The following MAP1B variants were observed in gnomAD, a reference collection of about 807,000 sequenced individuals.
MAP1B encodes microtubule associated protein 1B.
A neutral mutation model predicts 176.1 loss-of-function variants in MAP1B; 12 were observed. The ratio of observed to expected loss-of-function variants is 0.07; its 90% CI spans 0.04 to 0.11. The LOEUF (loss-of-function observed/expected upper bound fraction) is 0.11. Among genes scored for constraint, MAP1B ranks in the 10% least tolerant of loss-of-function variants. The pLI, the probability that MAP1B is intolerant of heterozygous loss-of-function variation, is 1.00. For synonymous variants in MAP1B, 1,044 were observed against 1,135.0 expected, an observed-to-expected ratio of 0.92 and a Z score of 1.61; for missense variants, 2,523 against 2,990.5, an observed-to-expected ratio of 0.84 and a Z score of 3.65.
At position 72,107,623 on chromosome 5, in the gene MAP1B, GCTTC is replaced by G; in HGVS notation, c.96_99del (p.Phe32LeufsTer15). On this transcript the variant is annotated frameshift_variant, in exon 1 of 7. Coordinates refer to ENST00000296755, the MANE Select transcript of MAP1B (RefSeq NM_005909.5). LOFTEE classifies it high-confidence loss of function. ...TCCACCTCGCCTAGCCTGTCGCACC[GCTTC>G]CTTGACAGCAAGTTCTACTTGCTGG... is the stretch of plus-strand genomic sequence containing the variant. The G allele has an allele frequency of 6.3e-7, 1 of 1,599,912 alleles. No individual in the cohort carries two copies. Among genetic ancestry groups the G allele is most frequent in the Non-Finnish European group, 8.5e-7 (1 of 1,179,376 alleles).
intron 2 of MAP1B, among the ~76,000 whole-genome samples, chr5:72,161,883 G>C (rs1273197912): frequency 6.6e-6 from 1 of 150,928 alleles, no homozygotes; most frequent in Non-Finnish European, 1.5e-5. Context: ...CTTGAACCCG[G>C]GAGGCGGAGG....
In MAP1B at chr5:72,186,690, A is replaced by G; in HGVS notation, c.446A>G (p.Glu149Gly). ...LTGQCFENTG[E>G]LILQSGSFSF... ...GGGCAGTGCTTTGAAAATACCGGAG[A>G]GCTCATTCTCCAGTCCGGCTCTTTC... Residue 149 changes from glutamate (E) to glycine (G), a missense_variant, in exon 4 of 7, where the codon GAG (glutamate) becomes GGG (glycine). Physicochemically the swap from Glu to Gly is moderately conservative, Grantham distance 98 (BLOSUM62 -2). Coordinates refer to ENST00000296755, the MANE Select transcript of MAP1B (RefSeq NM_005909.5). This position sits in a 1 kb window ranked among gnomAD's most constrained non-coding sequence, Gnocchi z 4.3. 1 of 1,614,112 alleles carries G rather than the reference A, an allele frequency of 6.2e-7. No homozygotes were observed. Among genetic ancestry groups the G allele is most frequent in the Non-Finnish European group, 8.5e-7 (1 of 1,180,034 alleles).
intron 4 of MAP1B, among the ~76,000 whole-genome samples, chr5:72,188,445 G>A (rs950845044): frequency 3.3e-5 from 5 of 152,154 alleles, no homozygotes; most frequent in African/African-American, 1.2e-4. Flanking sequence ...GTGCAGTTCT[G>A]TAGTTATTTT....
chr5:72,129,071 T>A (rs1189188217), intron 2 of MAP1B, among the ~76,000 whole-genome samples: 2 of 152,232 alleles, frequency 1.3e-5, no homozygotes, highest in East Asian at 3.8e-4. Context: ...AGATTTTTTT[T>A]AAAGGCTTAA....
chr5:72,201,183 C>T (rs1040105068), intron 5 of MAP1B, among the ~76,000 whole-genome samples: 2 of 150,534 alleles, frequency 1.3e-5, no homozygotes, highest in African/African-American at 4.9e-5. Context: ...TGCAACATAG[C>T]AAGACCCTGT....
rs767707942 is a variant in MAP1B at position 72,194,760 on chromosome 5, G to A, written c.1405G>A (p.Val469Ile). 2 of 1,614,048 alleles carry A rather than the reference G, an allele frequency of 1.2e-6. No individual in the cohort carries two copies. Among genetic ancestry groups the A allele is most frequent in the African/African-American group, 2.7e-5 (2 of 74,914 alleles). Reference protein sequence around the residue: ...VDLPISYLTSVSSLIVWHPAN... With the variant: ...VDLPISYLTSISSLIVWHPAN... ...TCTCCCGATTTCCTACTTAACTTCA[G>A]TCTCATCTTTGATTGTGTGGCATCC... The change falls in exon 5 of 7, where the codon GTC becomes ATC. Residue 469 changes from valine (V) to isoleucine (I), a missense_variant. Physicochemically the swap from Val to Ile is conservative, Grantham distance 29. Transcript: ENST00000296755. This position sits in a 1 kb window ranked among gnomAD's most constrained non-coding sequence, Gnocchi z 7.2.
At chr5:72,124,451 A>G (rs920132860) in intron 2 of MAP1B, among the ~76,000 whole-genome samples, 4 of 152,234 alleles carry the variant, frequency 2.6e-5, no homozygotes, top group African/African-American at 9.6e-5. Flanking sequence ...GAGCGTCTAC[A>G]TGTGATTTAA....
chr5:72,134,149 C>T (rs1745788524), intron 2 of MAP1B, among the ~76,000 whole-genome samples: 1 of 152,182 alleles, frequency 6.6e-6, no homozygotes, highest in South Asian at 2.1e-4. Flanking sequence ...TTTTGTGACA[C>T]CACAGTTTGA....
chr5:72,122,283 C>G (rs74830204), intron 2 of MAP1B, among the ~76,000 whole-genome samples: 421 of 152,166 alleles, frequency 2.8e-3, no homozygotes, highest in African/African-American at 9.5e-3. Context: ...GCTGTCCGCT[C>G]TCACCCCAGT....
At chr5:72,189,087 G>A (rs937288382) in intron 4 of MAP1B, among the ~76,000 whole-genome samples, 1 of 152,250 alleles carries the variant, frequency 6.6e-6, no homozygotes, top group Middle Eastern at 3.4e-3. Flanking sequence ...GTTAACTCCA[G>A]GGAAACCAAA....
At chr5:72,149,081 C>G (rs1283099154) in intron 2 of MAP1B, among the ~76,000 whole-genome samples, 1 of 152,280 alleles carries the variant, frequency 6.6e-6, no homozygotes, top group Non-Finnish European at 1.5e-5. Flanking sequence ...GCTGTATCCA[C>G]CAGCACCTAG....
intron 2 of MAP1B, chr5:72,179,595 G>C (rs1746723705): frequency 1.0e-6 from 1 of 985,248 alleles, no homozygotes; most frequent in Admixed American, 6.1e-5. Flanking sequence ...CCAGGGGTGG[G>C]GGCGCGTCAG....
chr5:72,203,454 C>T, intron 5 of MAP1B, 109 bp from the exon 6 acceptor site: 1 of 797,866 alleles, frequency 1.3e-6, no homozygotes, highest in Non-Finnish European at 2.2e-6. Context: ...TCTCAGAGGA[C>T]CTACTTGTGA....
chr5:72,107,712 C>T lies in MAP1B; in HGVS notation c.181C>T (p.Leu61Phe). ...GCGGCGTGCCATCGGCAACATCGAGCTCGGTAAGTGGCCCCGCGCCCCCAG... is the reference window on the plus strand; with the variant it reads ...GCGGCGTGCCATCGGCAACATCGAGTTCGGTAAGTGGCCCCGCGCCCCCAG... ...HLRRAIGNIE[L>F]GIRSWDTNLI... The change falls in exon 1 of 7, where the codon CTC (leucine) becomes TTC (phenylalanine). Residue 61 changes from leucine to phenylalanine, a missense_variant. By Grantham distance (22) the Leu-to-Phe change is conservative (BLOSUM62 0). This residue lies in a region of MAP1B where 307 missense variants were observed against 438.4 expected (regional missense o/e 0.70). Transcript: ENST00000296755. The T allele has an allele frequency of 1.3e-6, 2 of 1,599,104 alleles. No homozygotes were observed. The highest frequency in any genetic ancestry group is 8.5e-7 in the Non-Finnish European group (1 of 1,179,518).
intron 2 of MAP1B, among the ~76,000 whole-genome samples, chr5:72,146,735 A>C (rs1746051379): frequency 6.6e-6 from 1 of 152,172 alleles, no homozygotes; most frequent in African/African-American, 2.4e-5. Flanking sequence ...ACCACTGGGA[A>C]GTTCTTTAAC....
At chr5:72,116,906 T>C (rs1276230651) in intron 2 of MAP1B, among the ~76,000 whole-genome samples, 4 of 152,180 alleles carry the variant, frequency 2.6e-5, no homozygotes, top group African/African-American at 9.7e-5. Flanking sequence ...ATCACTTTTA[T>C]AGAATATCAG....
At chr5:72,177,366 A>G (rs1341001014) in intron 2 of MAP1B, among the ~76,000 whole-genome samples, 1 of 152,088 alleles carries the variant, frequency 6.6e-6, no homozygotes, top group East Asian at 1.9e-4. Flanking sequence ...CTTAGAAATG[A>G]TGTGGTGGGA....
At chr5:72,188,763 G>A (rs748710031) in intron 4 of MAP1B, among the ~76,000 whole-genome samples, 2 of 152,154 alleles carry the variant, frequency 1.3e-5, no homozygotes, top group African/African-American at 4.8e-5. Flanking sequence ...CTCGAGTTCC[G>A]TGGAAGGGCA....
intron 1 of MAP1B, among the ~76,000 whole-genome samples, chr5:72,113,586 T>C (rs907565376): frequency 1.3e-5 from 2 of 152,236 alleles, no homozygotes; most frequent in Non-Finnish European, 2.9e-5. Flanking sequence ...CAGATAACCC[T>C]GGATGAAGTC....
Sources: gnomAD v4.1 joint callset for allele counts (sites outside exome capture counted in the v4.1 genomes callset) on GRCh38, gnomAD v4.1.1 for gene constraint, gnomAD v4.1.1 regional missense constraint, Gnocchi (gnomAD v3.1) non-coding constraint, MANE v1.5 for transcripts, NCBI Gene and HGNC (gene_info 2026-07-23, HGNC 2026-07-21) for gene names.